The following POLR3A variants were observed in gnomAD, a reference collection of about 807,000 sequenced individuals.
POLR3A encodes DNA-directed RNA polymerase III subunit RPC1.
POLR3A carries 112 observed loss-of-function variants against 152.8 expected under a neutral mutation model. That is an observed-to-expected ratio of 0.73 (90% CI 0.63 to 0.86). The LOEUF (loss-of-function observed/expected upper bound fraction) is 0.86, where lower values mean the gene tolerates loss of function less well. POLR3A is among the 40% of genes least tolerant of loss of function. The pLI, the probability that POLR3A is intolerant of heterozygous loss-of-function variation, is 0.00. For synonymous variants in POLR3A, 615 were observed against 652.1 expected (o/e 0.94, Z 0.87); for missense variants, 1,385 against 1,743.1 (o/e 0.79, Z 3.66).
chr10:78,002,375 T>A lies in POLR3A; in HGVS notation c.2248-67A>T. The A allele has an allele frequency of 3.9e-6, 4 of 1,033,810 alleles. No individual in the cohort carries two copies. In the South Asian group the frequency reaches 5.4e-5, roughly 14 times the overall value. 64.0% of individuals were successfully genotyped at this position (1,033,810 alleles called of 1,614,324 possible). ...GTCTCTGTGGATTACAAATGTTCAA[T>A]CTAACATTTAAAGAAATTTGAAAAT... On this transcript the variant is annotated intron_variant, in intron 16 of 30. Coordinates refer to ENST00000372371, the MANE Select transcript of POLR3A (RefSeq NM_007055.4).
chr10:77,983,571 G>C (rs987814004), intron 26 of POLR3A, among the ~76,000 whole-genome samples: 1 of 152,292 alleles, frequency 6.6e-6, no homozygotes, highest in East Asian at 1.9e-4. Flanking sequence ...GCCATGCTGG[G>C]CGCTGGGGAT....
chr10:78,014,330 A>C (rs981929415), intron 10 of POLR3A, among the ~76,000 whole-genome samples: 1 of 152,166 alleles, frequency 6.6e-6, no homozygotes, highest in Non-Finnish European at 1.5e-5. Flanking sequence ...ACTAAATAAA[A>C]ACCCATGTGT....
chr10:77,992,885 T>C (rs1036135126), intron 20 of POLR3A, among the ~76,000 whole-genome samples: 1 of 151,288 alleles, frequency 6.6e-6, no homozygotes, highest in African/African-American at 2.4e-5. Flanking sequence ...GCAAAACTTT[T>C]TTCTTTTTTT....
chr10:78,004,278 C>T (rs984198178), intron 16 of POLR3A, among the ~76,000 whole-genome samples: 1 of 151,970 alleles, frequency 6.6e-6, no homozygotes, highest in African/African-American at 2.4e-5. Flanking sequence ...CAAAAAAAAC[C>T]AAACCCCCAA....
At chr10:77,981,202 T>G (rs1299101694) in intron 29 of POLR3A, among the ~76,000 whole-genome samples, 1 of 152,188 alleles carries the variant, frequency 6.6e-6, no homozygotes, top group Non-Finnish European at 1.5e-5. Flanking sequence ...CTCCACCGAC[T>G]GGGTATGAGT....
At chr10:78,015,679 T>C (rs1489440390) in intron 10 of POLR3A, among the ~76,000 whole-genome samples, 1 of 152,084 alleles carries the variant, frequency 6.6e-6, no homozygotes, top group Non-Finnish European at 1.5e-5. Flanking sequence ...CAGGGTCTCA[T>C]TACGTTGTCT....
chr10:77,982,239 A>G lies in POLR3A; in HGVS notation c.3674T>C (p.Leu1225Pro). 1.2e-6 allele frequency: 2 copies of G among 1,613,884 alleles called. No homozygotes were observed. Among genetic ancestry groups the G allele is most frequent in the Non-Finnish European group, 1.7e-6 (2 of 1,179,970 alleles). The change falls in exon 28 of 31, where the codon CTT becomes CCT. Residue 1225 changes from leucine to proline, a missense_variant. Coordinates refer to ENST00000372371, the MANE Select transcript of POLR3A (RefSeq NM_007055.4). The part of the protein sequence containing the change: ...DEQSGKEKYK[L>P]LVEGDNLRAV... ...CCGCAGGTTATCACCTTCCACCAGA[A>G]GCTTGTACTTCTCCTTTCCACTCTG... is the stretch of plus-strand genomic sequence containing the variant.
chr10:78,017,794 A>T, intron 9 of POLR3A, 78 bp from the exon 10 acceptor site: 1 of 1,399,604 alleles, frequency 7.1e-7, no homozygotes, highest in Middle Eastern at 1.8e-4. Context: ...ATCAGGATTC[A>T]ATCTTTAATA....
chr10:78,013,839 T>C, intron 10 of POLR3A, 49 bp from the exon 11 acceptor site: 2 of 1,612,186 alleles, frequency 1.2e-6, no homozygotes, highest in South Asian at 1.1e-5. Flanking sequence ...TAGGCATTTA[T>C]CCAAAAGCTT....
In POLR3A at chr10:77,985,591, T is replaced by A. The variant is rs144456806; in HGVS notation, c.3072-251A>T. Among the ~76,000 whole-genome samples the A allele has an allele frequency of 1.2e-3, 182 of 152,306 alleles. 1 individual carries two copies. The highest frequency in any genetic ancestry group is 2.1e-3 in the Non-Finnish European group (144 of 68,026). ...ATGGCTGCTTGTGGTCAGCATGTAA[T>A]GGATGCAGAAAATCTAAGCAGTCTG... On this transcript the variant is annotated intron_variant, in intron 23 of 30. Coordinates refer to ENST00000372371, the MANE Select transcript of POLR3A (RefSeq NM_007055.4).
intron 1 of POLR3A, 109 bp from the exon 2 acceptor site, chr10:78,026,338 G>A (rs1454344667): frequency 9.4e-6 from 10 of 1,069,248 alleles, no homozygotes; most frequent in Non-Finnish European, 1.4e-5. Context: ...GTCTCCACTG[G>A]CTTTTCCTAC....
chr10:78,016,907 C>T (rs550538637), intron 10 of POLR3A, among the ~76,000 whole-genome samples: 5 of 151,452 alleles, frequency 3.3e-5, no homozygotes, highest in Non-Finnish European at 5.9e-5. Context: ...TTCTGCCATA[C>T]CTATTTTATG....
intron 17 of POLR3A, among the ~76,000 whole-genome samples, chr10:78,001,952 A>AC (rs1847361356): frequency 6.6e-6 from 1 of 151,192 alleles, no homozygotes; most frequent in Admixed American, 6.6e-5. Context: ...ATCTGGCCTC[A>AC]TTTTTTTTTA....
chr10:78,002,219 G>A lies in POLR3A; in HGVS notation c.2337C>T (p.Thr779=). 1 of 1,594,284 alleles carries A rather than the reference G, an allele frequency of 6.3e-7. No individual in the cohort carries two copies. The highest frequency in any genetic ancestry group is 8.5e-7 in the Non-Finnish European group (1 of 1,170,828). ...GACCTTTGGAGCCGCACAGAGCCATGGTGAGGGGGCTGTTGCTCTTGTCCA... is the reference window on the plus strand; with the variant it reads ...GACCTTTGGAGCCGCACAGAGCCATAGTGAGGGGGCTGTTGCTCTTGTCCA... ...RELDKSNSPL[T]MALCGSKGSF... is the part of the protein sequence containing the mutation. The change falls in exon 17 of 31, where the codon ACC becomes ACT. Residue 779 remains threonine, a synonymous_variant. Transcript: ENST00000372371.
intron 21 of POLR3A, among the ~76,000 whole-genome samples, 189 bp downstream of exon 21, chr10:77,990,865 C>T (rs1280091989): frequency 3.3e-5 from 5 of 152,248 alleles, no homozygotes; most frequent in East Asian, 1.9e-4. Context: ...CCACCTGCCT[C>T]GGCCTCCCAA....
At chr10:78,028,410 A>C (rs1847658091) in intron 1 of POLR3A, among the ~76,000 whole-genome samples, 2 of 152,156 alleles carry the variant, frequency 1.3e-5, no homozygotes, top group Admixed American at 6.5e-5. Context: ...TACCTTCTCC[A>C]ACTAGATTAG....
At chr10:77,998,700 G>C (rs1346189014) in intron 19 of POLR3A, among the ~76,000 whole-genome samples, 4 of 152,216 alleles carry the variant, frequency 2.6e-5, no homozygotes, top group Admixed American at 1.3e-4. Flanking sequence ...TACACTGTTG[G>C]TGGGACTGTA....
intron 10 of POLR3A, 58 bp from the exon 11 acceptor site, chr10:78,013,848 T>C: frequency 1.2e-6 from 2 of 1,609,346 alleles, no homozygotes; most frequent in Non-Finnish European, 1.7e-6. Flanking sequence ...ATCCAAAAGC[T>C]TCTCTGTTTT....
At position 77,984,192 on chromosome 10, in the gene POLR3A, G is replaced by T. The variant is rs984378711; in HGVS notation, c.3336+13C>A. The stretch of plus-strand genomic sequence containing the variant: ...AGCTAGTTTTCTTGTTATCAATAGG[G>T]ATTTCTTCTTACCTCTCCCAAGAGG... On this transcript the variant is annotated intron_variant, in intron 25 of 30. Coordinates refer to ENST00000372371, the MANE Select transcript of POLR3A (RefSeq NM_007055.4). The T allele has an allele frequency of 6.5e-7, 1 of 1,540,786 alleles. No homozygotes were observed. The highest frequency in any genetic ancestry group is 9.0e-7 in the Non-Finnish European group (1 of 1,113,450).
Sources: allele counts gnomAD v4.1 joint callset (sites outside exome capture counted in the v4.1 genomes callset), GRCh38; gene constraint gnomAD v4.1.1; transcripts MANE v1.5; gene names NCBI Gene and HGNC (gene_info 2026-07-23, HGNC 2026-07-21).